The following MROH7 variants were observed in gnomAD, a reference collection of about 807,000 sequenced individuals.
MROH7 encodes maestro heat like repeat family member 7, also known as maestro heat-like repeat-containing protein family member 7.
A neutral mutation model predicts 129.2 loss-of-function variants in MROH7; 113 were observed. The ratio of observed to expected loss-of-function variants is 0.87; its 90% CI spans 0.75 to 1.02. MROH7 has a LOEUF of 1.02. Among genes scored for constraint, MROH7 ranks in the 50% least tolerant of loss-of-function variants. MROH7 has a pLI of 0.00. For synonymous variants in MROH7, 655 were observed against 667.9 expected (o/e 0.98, Z 0.30); for missense variants, 1,601 against 1,671.3 (o/e 0.96, Z 0.73).
intron 3 of MROH7, 24 bp downstream of exon 3, chr1:54,654,181 G>A (rs1283311675): frequency 6.4e-7 from 1 of 1,566,312 alleles, no homozygotes; most frequent in Admixed American, 1.9e-5. Context: ...CGCAGCCCTA[G>A]AGAGAGCACT....
In MROH7 at chr1:54,700,343, G is replaced by A. The variant is rs145665162; in HGVS notation, c.2987G>A (p.Arg996His). ...FVELLQMEQV[R>H]RIPEEYSLGR... is the part of the protein sequence containing the mutation. ...CAGCTCCTCCAGATGGAGCAGGTGCGCCGGATCCCCGAGGAATACTCTCTG... is the reference window on the plus strand; with the variant it reads ...CAGCTCCTCCAGATGGAGCAGGTGCACCGGATCCCCGAGGAATACTCTCTG... Residue 996 changes from arginine (R) to histidine (H), a missense_variant, in exon 18 of 24, where the codon CGC becomes CAC. Transcript: ENST00000421030. The A allele has an allele frequency of 3.1e-4, 506 of 1,614,080 alleles. 1 individual carries two copies. In the African/African-American group the frequency reaches 4.7e-3, roughly 15 times the overall value.
intron 1 of MROH7, among the ~76,000 whole-genome samples, chr1:54,650,394 G>A (rs532206302): frequency 2.9e-4 from 44 of 152,302 alleles, no homozygotes; most frequent in South Asian, 8.3e-4. Context: ...CACTGAATGA[G>A]TTAGCACATG....
chr1:54,707,904 C>A (rs1286385328), intron 22 of MROH7, among the ~76,000 whole-genome samples: 2 of 152,080 alleles, frequency 1.3e-5, no homozygotes, highest in African/African-American at 2.4e-5. Flanking sequence ...CCACTGTCAC[C>A]CCTCAGTGGA....
At chr1:54,675,652 C>T (rs900531421) in intron 10 of MROH7, among the ~76,000 whole-genome samples, 2 of 150,814 alleles carry the variant, frequency 1.3e-5, no homozygotes, top group East Asian at 2.0e-4. Context: ...GGCTAGAGTG[C>T]GGTGGCACGA....
At chr1:54,658,838 C>T (rs1644687356) in intron 3 of MROH7, among the ~76,000 whole-genome samples, 1 of 152,098 alleles carries the variant, frequency 6.6e-6, no homozygotes, top group African/African-American at 2.4e-5. Context: ...ATGAAATGCA[C>T]CCATCCCTAG....
rs557213520 is a variant in MROH7, at chr1:54,676,677, G to A, written c.1937-2065G>A. The stretch of plus-strand genomic sequence containing the variant: ...CCCAAAGTGCTGGGATTACAGGTGT[G>A]AGCCACTGTGCCTGGCCCAGCTTAT... On this transcript the variant is annotated intron_variant, in intron 10 of 23. Coordinates refer to ENST00000421030, the MANE Select transcript of MROH7 (RefSeq NM_001039464.4). 4.6e-5 allele frequency among the ~76,000 whole-genome samples: 7 copies of A among 151,326 alleles called. No individual in the cohort carries two copies. In the East Asian group the frequency reaches 1.4e-3, roughly 30 times the overall value.
rs1319463889 is a variant in MROH7 at position 54,654,146 on chromosome 1, G to T, written c.1220G>T (p.Gly407Val). The stretch of plus-strand genomic sequence containing the variant: ...GGCAAGGACGCCGTGACCTTGCAAG[G>T]CATCCCTGAGGGTAAGGCCAGGGCC... Reference protein sequence around the residue: ...PAGKDAVTLQGIPEGAFDEVT... With the variant: ...PAGKDAVTLQVIPEGAFDEVT... The change falls in exon 3 of 24, where the codon GGC (glycine) becomes GTC (valine). Residue 407 changes from glycine (G) to valine (V), a missense_variant. Gly to Val is a moderately radical substitution (Grantham distance 109). Transcript: ENST00000421030. 5.0e-6 allele frequency: 8 copies of T among 1,608,714 alleles called. No individual in the cohort carries two copies. Among genetic ancestry groups the T allele is most frequent in the African/African-American group, 2.7e-5 (2 of 74,870 alleles).
intron 1 of MROH7, among the ~76,000 whole-genome samples, chr1:54,643,172 T>C (rs1644413909): frequency 6.6e-6 from 1 of 152,182 alleles, no homozygotes; most frequent in South Asian, 2.1e-4. Context: ...AGTGATCACA[T>C]GAGGAGGGTG....
At chr1:54,655,571 G>T (rs1272390277) in intron 3 of MROH7, among the ~76,000 whole-genome samples, 1 of 151,152 alleles carries the variant, frequency 6.6e-6, no homozygotes, top group Non-Finnish European at 1.5e-5. Context: ...GTAGAGATGG[G>T]GCCTTGCTAC....
chr1:54,661,411 C>T (rs1052164502), intron 3 of MROH7, among the ~76,000 whole-genome samples: 9 of 151,702 alleles, frequency 5.9e-5, no homozygotes, highest in East Asian at 1.9e-4. Flanking sequence ...GGGGTTTCTC[C>T]GTGTTGATCA....
chr1:54,679,539 G>A (rs1645035882), intron 12 of MROH7, 100 bp downstream of exon 12: 1 of 1,330,150 alleles, frequency 7.5e-7, no homozygotes, highest in Non-Finnish European at 1.0e-6. Flanking sequence ...GGCAGGGTGG[G>A]GTATACCTGA....
chr1:54,701,186 T>C lies in MROH7; in HGVS notation c.3149T>C (p.Leu1050Pro). The change falls in exon 19 of 24, where the codon CTG (leucine) becomes CCG (proline). Residue 1050 changes from leucine (L) to proline (P), a missense_variant. Transcript: ENST00000421030. ...KALLPSMVKG[L>P]KNMDGMLVVE... is the part of the protein sequence containing the mutation. ...CTCCTGCCCTCCATGGTGAAGGGCC[T>C]GAAGAACATGGATGGGATGCTGGTG... The C allele has an allele frequency of 1.9e-6, 3 of 1,614,168 alleles. No individual in the cohort carries two copies. In the East Asian group the frequency reaches 6.7e-5, roughly 36 times the overall value.
intron 14 of MROH7, 119 bp downstream of exon 14, chr1:54,682,913 G>A: frequency 1.7e-6 from 2 of 1,174,322 alleles, no homozygotes; most frequent in Non-Finnish European, 2.4e-6. Flanking sequence ...AACTAGTTGT[G>A]TGGTCTTGGG....
chr1:54,665,294 C>T (rs1644794808), intron 4 of MROH7, 54 bp downstream of exon 4: 3 of 1,426,332 alleles, frequency 2.1e-6, no homozygotes, highest in South Asian at 2.3e-5. Flanking sequence ...TCCATCCTGC[C>T]AACCCCCTAC....
intron 17 of MROH7, among the ~76,000 whole-genome samples, chr1:54,696,121 T>A (rs1341837716): frequency 6.6e-6 from 1 of 152,126 alleles, no homozygotes; most frequent in Non-Finnish European, 1.5e-5. Context: ...CACACATTGA[T>A]TCATTTGGTC....
chr1:54,687,157 T>A (rs1471697053), intron 15 of MROH7, among the ~76,000 whole-genome samples: 3 of 152,138 alleles, frequency 2.0e-5, no homozygotes, highest in Non-Finnish European at 4.4e-5. Flanking sequence ...CACTGCAACC[T>A]CCGTCTCCTG....
intron 18 of MROH7, 113 bp downstream of exon 18, chr1:54,700,574 CTATCTT>C: frequency 9.8e-7 from 1 of 1,019,428 alleles, no homozygotes; most frequent in Non-Finnish European, 1.4e-6. Context: ...GACATCATTT[CTATCTT>C]AGCCTCAGTT....
intron 21 of MROH7, among the ~76,000 whole-genome samples, chr1:54,706,013 C>T (rs1570004563): frequency 6.6e-6 from 1 of 152,288 alleles, no homozygotes; most frequent in Non-Finnish European, 1.5e-5. Context: ...TTGCCTTCTT[C>T]TTTCCTAATG....
chr1:54,699,093 C>CTGCCTTTCTTTTTT lies in MROH7; in HGVS notation c.2965-1227_2965-1226insGCCTTTCTTTTTTT, dbSNP rs1406420741. 2.8e-5 allele frequency: 3 copies of CTGCCTTTCTTTTTT among 108,068 alleles called. No individual in the cohort carries two copies. In the East Asian group the frequency reaches 8.9e-4, roughly 32 times the overall value. 6.7% of individuals were successfully genotyped at this position (108,068 alleles called of 1,614,324 possible). A position where few individuals can be genotyped will look rare whatever the true frequency, so the allele number is the denominator to read the frequency against. ...ATAGGTGTGAGCCACCTTGCCTGGC[C>CTGCCTTTCTTTTTT]TTTTCTTTCTTTCTTTCTTTCTTTC... On this transcript the variant is annotated intron_variant, in intron 17 of 23. Coordinates refer to ENST00000421030, the MANE Select transcript of MROH7 (RefSeq NM_001039464.4).
Sources: gnomAD v4.1 joint callset for allele counts (sites outside exome capture counted in the v4.1 genomes callset) on GRCh38, gnomAD v4.1.1 for gene constraint, MANE v1.5 for transcripts, NCBI Gene and HGNC (gene_info 2026-07-23, HGNC 2026-07-21) for gene names.